The following SLC35F3 variants were observed in gnomAD, a reference collection of about 807,000 sequenced individuals.
The protein encoded by SLC35F3 is putative thiamine transporter SLC35F3.
A neutral mutation model predicts 49.9 loss-of-function variants in SLC35F3; 25 were observed. The observed-to-expected ratio is 0.50, with a 90% CI of 0.37 to 0.70. The LOEUF (loss-of-function observed/expected upper bound fraction) is 0.70. Among genes scored for constraint, SLC35F3 ranks in the 30% least tolerant of loss-of-function variants. The pLI is 0.00. For missense variants in SLC35F3, 525 were observed against 639.8 expected (o/e 0.82, Z 1.94); for synonymous variants, 275 against 265.4 (o/e 1.04, Z -0.35).
intron 3 of SLC35F3, among the ~76,000 whole-genome samples, chr1:234,243,014 G>C (rs955615073): frequency 6.6e-6 from 1 of 152,158 alleles, no homozygotes; most frequent in Non-Finnish European, 1.5e-5. Context: ...ATGAATTAGT[G>C]GGGGAGTAGG....
At position 234,152,163 on chromosome 1, in the gene SLC35F3, A is replaced by G. The variant is rs551662083; in HGVS notation, c.284-79254A>G. Among the ~76,000 whole-genome samples the G allele has an allele frequency of 2.2e-4, 34 of 151,572 alleles. 1 individual carries two copies. In the East Asian group the frequency reaches 6.4e-3, roughly 28 times the overall value. The stretch of plus-strand genomic sequence containing the variant: ...TATATGATTTTTTTAAATGAAAGAA[A>G]AAAGATAATCAATTTTTTGACAGCA... On this transcript the variant is annotated intron_variant, in intron 2 of 7. Transcript: ENST00000366618.
Position 234,250,653 on chromosome 1 carries a change from C to CAAA in SLC35F3, c.608+18929_608+18931dup, listed in dbSNP as rs35486350. Among the ~76,000 whole-genome samples, 98 of 81,442 alleles carry CAAA rather than the reference C, an allele frequency of 1.2e-3. 3 individuals carry two copies. Among genetic ancestry groups the CAAA allele is most frequent in the Non-Finnish European group, 1.8e-3 (77 of 42,032 alleles). 53.4% of individuals were successfully genotyped at this position (81,442 alleles called of 152,430 possible). On this transcript the variant is annotated intron_variant, in intron 3 of 7. Coordinates refer to ENST00000366618, the MANE Select transcript of SLC35F3 (RefSeq NM_173508.4). ...TGGGCGACAGAGCGAGACTCCGTCT[C>CAAA]AAAAAAAAAAAAAAAAAAAGAAGTT... is the stretch of plus-strand genomic sequence containing the variant.
At chr1:234,263,660 C>T (rs1363977485) in intron 3 of SLC35F3, among the ~76,000 whole-genome samples, 1 of 152,174 alleles carries the variant, frequency 6.6e-6, no homozygotes, top group African/African-American at 2.4e-5. Flanking sequence ...AATTCTAATG[C>T]AGTTGAAGTT....
At chr1:234,114,899 G>A (rs1665462231) in intron 2 of SLC35F3, among the ~76,000 whole-genome samples, 1 of 152,174 alleles carries the variant, frequency 6.6e-6, no homozygotes, top group Non-Finnish European at 1.5e-5. Context: ...CCACATGTTG[G>A]TGGGTTTTTT....
At chr1:234,187,932 T>G (rs924739433) in intron 2 of SLC35F3, among the ~76,000 whole-genome samples, 42 of 152,228 alleles carry the variant, frequency 2.8e-4, no homozygotes, top group African/African-American at 9.6e-4. Flanking sequence ...ATGTGCAGAC[T>G]CAACAGGTGG....
intron 2 of SLC35F3, among the ~76,000 whole-genome samples, chr1:234,159,581 A>G (rs1553310519): frequency 1.3e-5 from 2 of 152,104 alleles, no homozygotes; most frequent in Non-Finnish European, 2.9e-5. Context: ...TGGAGAAGAA[A>G]CTTTTGCCAA....
At chr1:234,246,170 G>A (rs767454041) in intron 3 of SLC35F3, among the ~76,000 whole-genome samples, 2 of 152,194 alleles carry the variant, frequency 1.3e-5, no homozygotes, top group Non-Finnish European at 2.9e-5. Flanking sequence ...GCTAGGAAAG[G>A]CTGCCAGTGG....
chr1:234,081,732 G>T (rs1047612943), intron 2 of SLC35F3, among the ~76,000 whole-genome samples: 1 of 151,068 alleles, frequency 6.6e-6, no homozygotes, highest in Non-Finnish European at 1.5e-5. Context: ...TGGTAAGTTG[G>T]CACCTTTCTT....
chr1:234,271,365 G>T (rs1180263161), intron 3 of SLC35F3, among the ~76,000 whole-genome samples: 1 of 151,792 alleles, frequency 6.6e-6, no homozygotes, highest in Non-Finnish European at 1.5e-5. Context: ...TTCATTTTCA[G>T]ATCGTTAAAA....
intron 2 of SLC35F3, among the ~76,000 whole-genome samples, chr1:234,028,833 A>G (rs1367073177): frequency 6.6e-6 from 1 of 152,010 alleles, no homozygotes; most frequent in African/African-American, 2.4e-5. Flanking sequence ...TTGCTGAGAG[A>G]GAGGTGGGCA....
rs1331604865 is a variant in SLC35F3, at chr1:234,112,797, G to A, written c.284-118620G>A. 1.1e-4 allele frequency among the ~76,000 whole-genome samples: 14 copies of A among 130,722 alleles called. No homozygotes were observed. In the Admixed American group the frequency reaches 1.3e-3, roughly 12 times the overall value. The allele number at this position is 130,722 out of a possible 152,430, so 85.8% of individuals were successfully genotyped here. The stretch of plus-strand genomic sequence containing the variant: ...TTCACCTGTTAGCCAGGAAGGTCTC[G>A]ATCTCCTGACCTCATGATCCACCCT... On this transcript the variant is annotated intron_variant, in intron 2 of 7. Coordinates refer to ENST00000366618, the MANE Select transcript of SLC35F3 (RefSeq NM_173508.4).
chr1:234,238,199 T>G (rs931159534), intron 3 of SLC35F3, among the ~76,000 whole-genome samples: 6 of 152,210 alleles, frequency 3.9e-5, no homozygotes, highest in Non-Finnish European at 8.8e-5. Context: ...ATGGCAATTA[T>G]GCATACACAT....
intron 2 of SLC35F3, among the ~76,000 whole-genome samples, chr1:233,983,942 A>T (rs1300636090): frequency 6.6e-6 from 1 of 152,170 alleles, no homozygotes; most frequent in Admixed American, 6.5e-5. Flanking sequence ...TCTAATCAAG[A>T]CTATGCCGGA....
chr1:234,297,973 T>C (rs1668631350), intron 3 of SLC35F3, among the ~76,000 whole-genome samples: 2 of 152,150 alleles, frequency 1.3e-5, no homozygotes, highest in Admixed American at 1.3e-4. Flanking sequence ...TTAAGTGTTC[T>C]TAACACACAC....
chr1:233,947,927 A>G (rs1207515736), intron 2 of SLC35F3, among the ~76,000 whole-genome samples: 4 of 150,112 alleles, frequency 2.7e-5, no homozygotes, highest in African/African-American at 9.8e-5. Context: ...AGGGATTTCC[A>G]TGTCAATCTC....
chr1:234,095,208 C>G (rs767063825), intron 2 of SLC35F3, among the ~76,000 whole-genome samples: 1 of 152,134 alleles, frequency 6.6e-6, no homozygotes, highest in East Asian at 1.9e-4. Context: ...AGTGAGATTG[C>G]TGAAGAGCAC....
At chr1:233,962,735 T>C (rs996323492) in intron 2 of SLC35F3, among the ~76,000 whole-genome samples, 3 of 152,204 alleles carry the variant, frequency 2.0e-5, no homozygotes, top group Non-Finnish European at 4.4e-5. Context: ...TAATTGAGCA[T>C]ATAGTGTTTA....
chr1:234,317,498 T>C (rs1347717284), intron 5 of SLC35F3, among the ~76,000 whole-genome samples: 1 of 152,098 alleles, frequency 6.6e-6, no homozygotes, highest in African/African-American at 2.4e-5. Flanking sequence ...AGAAAAGAGA[T>C]TTTAGTTTTG....
At chr1:234,223,817 A>G (rs180791595) in intron 2 of SLC35F3, among the ~76,000 whole-genome samples, 1 of 152,258 alleles carries the variant, frequency 6.6e-6, no homozygotes, top group East Asian at 1.9e-4. Flanking sequence ...TTTTACTCAC[A>G]GTACTGGAGG....
Sources: allele counts gnomAD v4.1 joint callset (sites outside exome capture counted in the v4.1 genomes callset), GRCh38; gene constraint gnomAD v4.1.1; transcripts MANE v1.5; gene names NCBI Gene and HGNC (gene_info 2026-07-23, HGNC 2026-07-21).